PTPRN2: variants seen among roughly 807,000 people sequenced by gnomAD.
PTPRN2 encodes the protein receptor-type tyrosine-protein phosphatase N2.
A neutral mutation model predicts 118.8 loss-of-function variants in PTPRN2; 74 were observed. The ratio of observed to expected loss-of-function variants is 0.62; its 90% CI spans 0.52 to 0.76. PTPRN2 has a LOEUF of 0.76. Among genes scored for constraint, PTPRN2 ranks in the 30% least tolerant of loss-of-function variants. The probability of loss-of-function intolerance (pLI) is 0.00; values close to 1 mark genes in which losing one functional copy is unlikely to be tolerated. For synonymous variants in PTPRN2, 641 were observed against 608.0 expected (o/e 1.05, Z -0.80); for missense variants, 1,481 against 1,394.4 (o/e 1.06, Z -0.99).
chr7:158,126,695 G>A (rs574782171), intron 9 of PTPRN2, among the ~76,000 whole-genome samples: 25 of 150,850 alleles, frequency 1.7e-4, no homozygotes, highest in Middle Eastern at 3.4e-3. Flanking sequence ...CTTCCTCTCC[G>A]CCACACCAGC....
intron 1 of PTPRN2, among the ~76,000 whole-genome samples, chr7:158,557,858 T>G (rs1041458341): frequency 2.0e-5 from 3 of 152,210 alleles, no homozygotes; most frequent in Non-Finnish European, 4.4e-5. Flanking sequence ...ACTCTCCTAG[T>G]GAGGCACCTC....
At chr7:158,057,206 CT>C (rs1809858894) in intron 11 of PTPRN2, among the ~76,000 whole-genome samples, 3 of 152,042 alleles carry the variant, frequency 2.0e-5, no homozygotes, top group Admixed American at 6.5e-5. Flanking sequence ...CTCCTTTTTG[CT>C]TTTTCCTATT....
chr7:157,994,084 CCA>C (rs1185104932), intron 11 of PTPRN2, among the ~76,000 whole-genome samples: 1 of 152,128 alleles, frequency 6.6e-6, no homozygotes, highest in African/African-American at 2.4e-5. Context: ...GCTTTGAAAC[CCA>C]CAGAGAAGAC....
chr7:157,962,611 C>T (rs1011416420), intron 11 of PTPRN2, among the ~76,000 whole-genome samples: 4 of 152,206 alleles, frequency 2.6e-5, no homozygotes, highest in South Asian at 2.1e-4. Flanking sequence ...CCTACACACC[C>T]GGGGTCAGGT....
At chr7:157,708,272 A>C (rs1248109003) in intron 12 of PTPRN2, among the ~76,000 whole-genome samples, 1 of 152,186 alleles carries the variant, frequency 6.6e-6, no homozygotes, top group Non-Finnish European at 1.5e-5. Context: ...CCCTGGTGCC[A>C]GTTCCCTCCT....
chr7:158,585,485 A>T (rs1362501847), intron 1 of PTPRN2, among the ~76,000 whole-genome samples: 1 of 152,216 alleles, frequency 6.6e-6, no homozygotes, highest in African/African-American at 2.4e-5. Context: ...TCTCTTTATG[A>T]CACAGCCTTC....
intron 6 of PTPRN2, among the ~76,000 whole-genome samples, chr7:158,145,167 T>C (rs1169499503): frequency 1.3e-5 from 2 of 151,378 alleles, no homozygotes; most frequent in Non-Finnish European, 2.9e-5. Flanking sequence ...TTCCCTCACA[T>C]CATCGTGAGA....
At chr7:158,404,266 C>T (rs1042666474) in intron 2 of PTPRN2, among the ~76,000 whole-genome samples, 1 of 152,192 alleles carries the variant, frequency 6.6e-6, no homozygotes, top group Non-Finnish European at 1.5e-5. Flanking sequence ...CTGTGTCACA[C>T]GTGGGAAGAC....
At chr7:157,904,669 G>C (rs999019719) in intron 11 of PTPRN2, among the ~76,000 whole-genome samples, 1 of 152,274 alleles carries the variant, frequency 6.6e-6, no homozygotes, top group African/African-American at 2.4e-5. Context: ...TGGGGCGTCA[G>C]CTGACTTCAC....
At chr7:157,810,740 C>T (rs1805970611) in intron 12 of PTPRN2, among the ~76,000 whole-genome samples, 1 of 139,904 alleles carries the variant, frequency 7.1e-6, no homozygotes, top group Admixed American at 7.2e-5. Flanking sequence ...TGGAGGCTGG[C>T]TCTCCACGGG....
intron 10 of PTPRN2, among the ~76,000 whole-genome samples, chr7:158,085,560 C>A (rs368907092): frequency 8.8e-6 from 1 of 114,088 alleles, no homozygotes; most frequent in Non-Finnish European, 1.8e-5. Context: ...CCACACCCAC[C>A]ACGCCCATCC....
At chr7:158,070,813 AAGGTGCCCGTGGTGGTGG>A (rs1178587473) in intron 11 of PTPRN2, among the ~76,000 whole-genome samples, 18 of 13,710 alleles carry the variant, frequency 1.3e-3, no homozygotes, top group Non-Finnish European at 1.8e-3. Context: ...CGTGGTGGTG[AAGGTGCCCGTGGTGGTGG>A]AGGTGCCCAT....
chr7:158,161,791 T>C (rs6969761), intron 6 of PTPRN2, among the ~76,000 whole-genome samples: 5 of 119,340 alleles, frequency 4.2e-5, no homozygotes, highest in Non-Finnish European at 9.2e-5. Flanking sequence ...AGAATGAAAA[T>C]ACAAGCCACA....
At chr7:158,341,334 C>A (rs1806726932) in intron 2 of PTPRN2, among the ~76,000 whole-genome samples, 1 of 150,892 alleles carries the variant, frequency 6.6e-6, no homozygotes, top group Non-Finnish European at 1.5e-5. Flanking sequence ...GTCACTCACA[C>A]CCACACTCTC....
At chr7:158,341,932 C>T (rs1479770895) in intron 2 of PTPRN2, among the ~76,000 whole-genome samples, 1 of 110,588 alleles carries the variant, frequency 9.0e-6, no homozygotes, top group Non-Finnish European at 2.0e-5. Flanking sequence ...CTCACACCCA[C>T]ATTCTCACCA....
rs1440426905 is a variant in PTPRN2 at position 157,591,857 on chromosome 7, G to A, written c.2496+3381C>T. Among the ~76,000 whole-genome samples the A allele has an allele frequency of 6.6e-6, 1 of 152,180 alleles. No homozygotes were observed. Among genetic ancestry groups the A allele is most frequent in the African/African-American group, 2.4e-5 (1 of 41,434 alleles). On this transcript the variant is annotated intron_variant, in intron 17 of 22. Transcript: ENST00000389418. The surrounding 1 kb of genome is among the most constrained non-coding windows in gnomAD (Gnocchi z 4.4). ...TGCACAGAGGGATCCCCAGGTTGAA[G>A]GATGACGTGGAAGCAATGACGTCGT...
chr7:158,006,702 C>A (rs1805654354), intron 11 of PTPRN2, among the ~76,000 whole-genome samples: 1 of 152,162 alleles, frequency 6.6e-6, no homozygotes, highest in Non-Finnish European at 1.5e-5. Flanking sequence ...GCTGAGTGTC[C>A]TTGTCACTCA....
intron 8 of PTPRN2, among the ~76,000 whole-genome samples, chr7:158,134,408 G>C (rs978031665): frequency 6.6e-6 from 1 of 152,012 alleles, no homozygotes; most frequent in Non-Finnish European, 1.5e-5. Context: ...GTGATATCAA[G>C]ATCCCACCCC....
intron 2 of PTPRN2, among the ~76,000 whole-genome samples, chr7:158,391,472 C>G (rs7785656): frequency 0.51 from 77,773 of 152,136 alleles, 20,694 homozygotes; most frequent in African/African-American, 0.58. Flanking sequence ...CTGGGAAGGT[C>G]TCTCAGCCAC....
Sources: gnomAD v4.1 joint callset for allele counts (sites outside exome capture counted in the v4.1 genomes callset) on GRCh38, gnomAD v4.1.1 for gene constraint, Gnocchi (gnomAD v3.1) non-coding constraint, MANE v1.5 for transcripts, NCBI Gene and HGNC (gene_info 2026-07-23, HGNC 2026-07-21) for gene names.